Variants in COL19A1 observed in about 807,000 individuals in gnomAD.
COL19A1 encodes the protein collagen alpha-1(XIX) chain.
A neutral mutation model predicts 190.2 loss-of-function variants in COL19A1; 159 were observed. That is an observed-to-expected ratio of 0.84 (90% CI 0.73 to 0.95). COL19A1 has a LOEUF of 0.95. Among genes scored for constraint, COL19A1 ranks in the 40% least tolerant of loss-of-function variants. The pLI is 0.00. For synonymous variants in COL19A1, 509 were observed against 458.9 expected (o/e 1.11, Z -1.39); for missense variants, 1,418 against 1,431.9 (o/e 0.99, Z 0.16).
intron 1 of COL19A1, among the ~76,000 whole-genome samples, chr6:69,875,255 A>G (rs1360553944): frequency 6.6e-6 from 1 of 152,202 alleles, no homozygotes; most frequent in Non-Finnish European, 1.5e-5. Context: ...ATCACTGGAA[A>G]GAATGGTACC....
At position 69,960,727 on chromosome 6, in the gene COL19A1, C is replaced by T. The variant is rs543076066; in HGVS notation, c.981+687C>T. On this transcript the variant is annotated intron_variant, in intron 10 of 50. Coordinates refer to ENST00000620364, the MANE Select transcript of COL19A1 (RefSeq NM_001858.6). ...TCACTGCAAGCTCTGCCTCCGTTCACGCCATTCTCCTGCCTCAGCCTCCCG... is the reference window on the plus strand; with the variant it reads ...TCACTGCAAGCTCTGCCTCCGTTCATGCCATTCTCCTGCCTCAGCCTCCCG... Among the ~76,000 whole-genome samples the T allele has an allele frequency of 9.9e-5, 15 of 151,158 alleles. No homozygotes were observed. In the South Asian group the frequency reaches 1.7e-3, roughly 17 times the overall value.
chr6:70,035,646 A>G (rs1336259419), intron 13 of COL19A1, among the ~76,000 whole-genome samples: 1 of 152,246 alleles, frequency 6.6e-6, no homozygotes, highest in Non-Finnish European at 1.5e-5. Context: ...AAAAGAATAG[A>G]AAATTAGATT....
chr6:69,911,456 CTTGA>C (rs1368885913), intron 4 of COL19A1, among the ~76,000 whole-genome samples: 2 of 152,040 alleles, frequency 1.3e-5, no homozygotes, highest in African/African-American at 2.4e-5. Flanking sequence ...AAATAATTGA[CTTGA>C]TTAATTCCTT....
intron 31 of COL19A1, among the ~76,000 whole-genome samples, chr6:70,152,021 T>A (rs1787094850): frequency 1.0e-4 from 1 of 9,910 alleles, no homozygotes; most frequent in Non-Finnish European, 2.0e-4. Flanking sequence ...TGCTACCTCT[T>A]TTTTTTTTTT....
chr6:70,026,569 A>T lies in COL19A1; in HGVS notation c.1080+2889A>T, dbSNP rs867339031. Among the ~76,000 whole-genome samples the T allele has an allele frequency of 1.2e-3, 176 of 152,332 alleles. 9 individuals carry two copies. In the Middle Eastern group the frequency reaches 0.014, roughly 12 times the overall value. ...TATTTTTTCCCCTTAATTTTGCCAA[A>T]GATATTCAGGAGTTATGACTAAGGA... On this transcript the variant is annotated intron_variant, in intron 12 of 50. Transcript: ENST00000620364.
chr6:70,148,248 G>C (rs1786801313), intron 27 of COL19A1, among the ~76,000 whole-genome samples: 1 of 151,878 alleles, frequency 6.6e-6, no homozygotes, highest in Non-Finnish European at 1.5e-5. Context: ...GGTCTTTCTG[G>C]TGATCAGCTC....
chr6:69,886,023 A>G (rs1337800142), intron 2 of COL19A1, among the ~76,000 whole-genome samples: 1 of 152,230 alleles, frequency 6.6e-6, no homozygotes, highest in Non-Finnish European at 1.5e-5. Context: ...CAGTGAAGGA[A>G]GCAATCAACA....
chr6:70,188,270 G>A (rs371057272), intron 47 of COL19A1, 25 bp downstream of exon 47: 5 of 1,578,258 alleles, frequency 3.2e-6, no homozygotes, highest in African/African-American at 1.4e-5. Context: ...GACGCTTTAG[G>A]GCTCCTGGCT....
chr6:70,047,227 A>G (rs1779962749), intron 14 of COL19A1, among the ~76,000 whole-genome samples: 2 of 152,132 alleles, frequency 1.3e-5, no homozygotes, highest in South Asian at 4.1e-4. Context: ...ATTGTGAGAA[A>G]ACTAAATACT....
intron 12 of COL19A1, among the ~76,000 whole-genome samples, chr6:70,030,927 A>G (rs1205036114): frequency 6.6e-6 from 1 of 152,126 alleles, no homozygotes; most frequent in African/African-American, 2.4e-5. Context: ...AGCCCCTTTT[A>G]TGCTCCCACT....
chr6:70,173,900 A>T (rs1186876675), intron 41 of COL19A1, among the ~76,000 whole-genome samples: 1 of 152,150 alleles, frequency 6.6e-6, no homozygotes, highest in Non-Finnish European at 1.5e-5. Context: ...GGGGATGATG[A>T]TGCTGGAGAG....
intron 15 of COL19A1, among the ~76,000 whole-genome samples, chr6:70,086,397 C>T (rs188287382): frequency 2.3e-4 from 35 of 152,036 alleles, no homozygotes; most frequent in Admixed American, 8.5e-4. Flanking sequence ...AATGTAAACT[C>T]GTGAGAGTAG....
At chr6:69,943,511 A>G (rs902736580) in intron 9 of COL19A1, among the ~76,000 whole-genome samples, 1 of 151,910 alleles carries the variant, frequency 6.6e-6, no homozygotes, top group Non-Finnish European at 1.5e-5. Context: ...TTTTCCATAC[A>G]TTTTCCCCCA....
intron 19 of COL19A1, 110 bp downstream of exon 19, chr6:70,137,857 AAAC>A: frequency 1.0e-6 from 1 of 975,560 alleles, no homozygotes; most frequent in Non-Finnish European, 1.6e-6. Context: ...CTGTCATGGG[AAAC>A]AACAGATCAG....
chr6:70,165,698 C>G (rs904561699), intron 36 of COL19A1, among the ~76,000 whole-genome samples: 4 of 152,120 alleles, frequency 2.6e-5, no homozygotes, highest in Non-Finnish European at 4.4e-5. Flanking sequence ...AAATAAGCTT[C>G]GTTTCTAGAG....
intron 18 of COL19A1, among the ~76,000 whole-genome samples, chr6:70,137,263 C>T (rs1785927711): frequency 1.3e-5 from 2 of 152,054 alleles, no homozygotes; most frequent in African/African-American, 4.8e-5. Flanking sequence ...CTCTGCCCAC[C>T]TAAACAAAGA....
intron 14 of COL19A1, among the ~76,000 whole-genome samples, chr6:70,039,188 A>C (rs1332048272): frequency 6.6e-6 from 1 of 152,246 alleles, no homozygotes; most frequent in Admixed American, 6.5e-5. Flanking sequence ...GGACTCAGGC[A>C]ACAGTTGTTT....
intron 18 of COL19A1, among the ~76,000 whole-genome samples, chr6:70,132,912 A>G (rs1305534550): frequency 6.6e-6 from 1 of 152,206 alleles, no homozygotes; most frequent in Non-Finnish European, 1.5e-5. Flanking sequence ...GTATCTACAC[A>G]AAGAGTTGAT....
chr6:69,921,675 CGT>C (rs1482116331), intron 4 of COL19A1, among the ~76,000 whole-genome samples: 39 of 144,698 alleles, frequency 2.7e-4, no homozygotes, highest in African/African-American at 1.0e-3. Flanking sequence ...TATGTAGATT[CGT>C]ATATATTCGT....
Sources: gnomAD v4.1 joint callset for allele counts (sites outside exome capture counted in the v4.1 genomes callset) on GRCh38, gnomAD v4.1.1 for gene constraint, MANE v1.5 for transcripts, NCBI Gene and HGNC (gene_info 2026-07-23, HGNC 2026-07-21) for gene names.